FAM118B: variants seen among roughly 807,000 people sequenced by gnomAD.
FAM118B encodes protein FAM118B.
FAM118B carries 24 observed loss-of-function variants against 38.5 expected under a neutral mutation model. The observed-to-expected ratio is 0.62, with a 90% CI of 0.45 to 0.88. The LOEUF is 0.88. FAM118B is among the 40% of genes least tolerant of loss of function. The pLI is 0.00. For synonymous variants in FAM118B, 138 were observed against 156.3 expected (o/e 0.88, Z 0.87); for missense variants, 334 against 420.0 (o/e 0.80, Z 1.79).
rs902276097 is a variant in FAM118B, at chr11:126,252,202, G to C, written c.567+1469G>C. 6.6e-6 allele frequency among the ~76,000 whole-genome samples: 1 copy of C among 151,870 alleles called. No homozygotes were observed. The highest frequency in any genetic ancestry group is 1.9e-4 in the East Asian group (1 of 5,170). ...GGGTTTCACCATGTTGGCCAGGCTG[G>C]TCTCGAACTCCTGACCTCAGGTGAT... On this transcript the variant is annotated intron_variant, in intron 5 of 8. Coordinates refer to ENST00000533050, the MANE Select transcript of FAM118B (RefSeq NM_024556.4). The surrounding 1 kb of genome is among the most constrained non-coding windows in gnomAD (Gnocchi z 4.7).
chr11:126,214,527 T>TTTTTTTTTTTA (rs1949954178), intron 1 of FAM118B: 5 of 123,318 alleles, frequency 4.1e-5, no homozygotes, highest in Admixed American at 9.8e-5. Flanking sequence ...TTTTTTTTTT[T>TTTTTTTTTTTA]ACCTCTATAT....
chr11:126,243,892 A>G (rs991048688), intron 4 of FAM118B, among the ~76,000 whole-genome samples: 2 of 146,092 alleles, frequency 1.4e-5, no homozygotes, highest in African/African-American at 2.5e-5. Context: ...CGACAGAGCA[A>G]GACTCCGTCT....
intron 4 of FAM118B, among the ~76,000 whole-genome samples, chr11:126,249,462 G>A (rs1439751297): frequency 6.7e-6 from 1 of 148,492 alleles, no homozygotes; most frequent in Non-Finnish European, 1.5e-5. Flanking sequence ...GCTGGGTGTG[G>A]TAGCTCACAC....
chr11:126,237,562 C>A (rs1394157239), intron 3 of FAM118B, among the ~76,000 whole-genome samples: 1 of 140,424 alleles, frequency 7.1e-6, no homozygotes, highest in Non-Finnish European at 1.5e-5. Context: ...CTAGGCCAGG[C>A]TCGGTGGCTC....
chr11:126,254,811 A>G (rs1333154387), intron 6 of FAM118B, among the ~76,000 whole-genome samples: 1 of 152,184 alleles, frequency 6.6e-6, no homozygotes, highest in Non-Finnish European at 1.5e-5. Flanking sequence ...TGGGTGACAG[A>G]GCAAGGCCCT....
At chr11:126,245,921 G>A (rs747475359) in intron 4 of FAM118B, among the ~76,000 whole-genome samples, 1 of 151,080 alleles carries the variant, frequency 6.6e-6, no homozygotes, top group Non-Finnish European at 1.5e-5. Context: ...GCTTGAACCC[G>A]GGAGGCGGAG....
intron 4 of FAM118B, among the ~76,000 whole-genome samples, chr11:126,243,271 A>G (rs1275236543): frequency 6.6e-6 from 1 of 152,210 alleles, no homozygotes; most frequent in Non-Finnish European, 1.5e-5. Flanking sequence ...GGCCCATATT[A>G]TCCTGATAAC....
In FAM118B at chr11:126,256,900, C is replaced by A; in HGVS notation, c.982+48C>A. The A allele has an allele frequency of 6.5e-7, 1 of 1,542,090 alleles. No homozygotes were observed. Among genetic ancestry groups the A allele is most frequent in the South Asian group, 1.2e-5 (1 of 82,442 alleles). On this transcript the variant is annotated intron_variant, in intron 7 of 8. Transcript: ENST00000533050. The surrounding 1 kb of genome is among the most constrained non-coding windows in gnomAD (Gnocchi z 6.6). Reference sequence around the variant, plus strand: ...GGGGAATCAGAGAACAACAGCTCTTCAGCCTTTTGTGTATTTGTGATGTGA... The same window carrying A: ...GGGGAATCAGAGAACAACAGCTCTTAAGCCTTTTGTGTATTTGTGATGTGA...
chr11:126,259,026 T>C (rs1212892982), intron 7 of FAM118B, among the ~76,000 whole-genome samples: 1 of 152,222 alleles, frequency 6.6e-6, no homozygotes, highest in Admixed American at 6.5e-5. Flanking sequence ...GTGTTCTGTA[T>C]CTTTAAACAA....
chr11:126,235,229 G>C, intron 3 of FAM118B, 142 bp downstream of exon 3: 2 of 721,906 alleles, frequency 2.8e-6, no homozygotes, highest in Admixed American at 2.9e-5. Context: ...TTTTATTTTG[G>C]GTTTAATTTT....
intron 1 of FAM118B, among the ~76,000 whole-genome samples, chr11:126,213,305 G>C (rs950685789): frequency 6.6e-6 from 1 of 152,212 alleles, no homozygotes; most frequent in Admixed American, 6.5e-5. Flanking sequence ...AAGTGGGAAA[G>C]AAGCAAGGCT....
rs115361562 is a variant in FAM118B, at chr11:126,252,599, C to G, written c.568-1706C>G. Among the ~76,000 whole-genome samples the G allele has an allele frequency of 5.9e-4, 89 of 152,126 alleles. No homozygotes were observed. Among genetic ancestry groups the G allele is most frequent in the African/African-American group, 2.1e-3 (87 of 41,498 alleles). The stretch of plus-strand genomic sequence containing the variant: ...CTCTACAAAAAGTTTAAAAATTAGC[C>G]GGGCATGGTGGTGTTTGCCTGTGGT... On this transcript the variant is annotated intron_variant, in intron 5 of 8. Transcript: ENST00000533050. The surrounding 1 kb of genome is among the most constrained non-coding windows in gnomAD (Gnocchi z 4.7).
intron 2 of FAM118B, chr11:126,233,847 C>G (rs921642937): frequency 7.3e-6 from 3 of 409,900 alleles, no homozygotes; most frequent in African/African-American, 6.3e-5. Flanking sequence ...TTTTGGGAGG[C>G]CAAGGCTGGA....
intron 3 of FAM118B, among the ~76,000 whole-genome samples, chr11:126,235,604 C>T (rs1329087504): frequency 6.6e-6 from 1 of 152,114 alleles, no homozygotes; most frequent in Non-Finnish European, 1.5e-5. Context: ...CTGCAACCTC[C>T]ACCTCCCGGG....
At chr11:126,254,547 CAG>C in intron 6 of FAM118B, 114 bp downstream of exon 6, 1 of 1,415,994 alleles carries the variant, frequency 7.1e-7, no homozygotes, top group Non-Finnish European at 9.7e-7. Flanking sequence ...AACGGAAGGT[CAG>C]GGGCTAGGAG....
In FAM118B at chr11:126,214,008, G is replaced by T. The variant is rs1320117561; in HGVS notation, c.-77+2178G>T. 2.0e-5 allele frequency among the ~76,000 whole-genome samples: 3 copies of T among 152,300 alleles called. No homozygotes were observed. In the East Asian group the frequency reaches 5.8e-4, roughly 29 times the overall value. ...TTATGACATCCTTAATGTTTCTCCG[G>T]TGAGTCTAGGCACTTGGTGATTTAA... is the stretch of plus-strand genomic sequence containing the variant. On this transcript the variant is annotated intron_variant, in intron 1 of 8. Coordinates refer to ENST00000533050, the MANE Select transcript of FAM118B (RefSeq NM_024556.4).
intron 1 of FAM118B, among the ~76,000 whole-genome samples, chr11:126,218,725 A>T (rs1056437612): frequency 6.6e-5 from 10 of 152,108 alleles, no homozygotes; most frequent in Admixed American, 3.9e-4. Flanking sequence ...GGTGGTGGCC[A>T]TTACTATAGG....
At chr11:126,217,003 GCA>G (rs929520976) in intron 1 of FAM118B, among the ~76,000 whole-genome samples, 1 of 152,174 alleles carries the variant, frequency 6.6e-6, no homozygotes, top group Non-Finnish European at 1.5e-5. Flanking sequence ...GGGTGTGCAT[GCA>G]CACACACACA....
chr11:126,229,720 C>T (rs1164822945), intron 2 of FAM118B, among the ~76,000 whole-genome samples: 1 of 152,164 alleles, frequency 6.6e-6, no homozygotes, highest in African/African-American at 2.4e-5. Context: ...GGATTGCAGG[C>T]GTGAGCCACC....
Sources: allele counts gnomAD v4.1 joint callset (sites outside exome capture counted in the v4.1 genomes callset), GRCh38; gene constraint gnomAD v4.1.1; non-coding constraint Gnocchi (gnomAD v3.1); transcripts MANE v1.5; gene names NCBI Gene and HGNC (gene_info 2026-07-23, HGNC 2026-07-21).